Variants in SZT2 observed in about 807,000 individuals in gnomAD.
SZT2 encodes the protein SZT2 subunit of KICSTOR complex.
A neutral mutation model predicts 404.2 loss-of-function variants in SZT2; 216 were observed. The ratio of observed to expected loss-of-function variants is 0.53; its 90% CI spans 0.48 to 0.60. The LOEUF (loss-of-function observed/expected upper bound fraction) is 0.60. Ranked by LOEUF, SZT2 falls within the 20% of genes least tolerant of loss-of-function variation. The pLI is 0.00. For missense variants in SZT2, 3,857 were observed against 4,459.2 expected (o/e 0.86, Z 3.85); for synonymous variants, 1,693 against 1,749.9 (o/e 0.97, Z 0.81).
At position 43,439,193 on chromosome 1, in the gene SZT2, C is replaced by T; in HGVS notation, c.6792+100C>T. On this transcript the variant is annotated intron_variant, in intron 48 of 71. Coordinates refer to ENST00000634258, the MANE Select transcript of SZT2 (RefSeq NM_001365999.1). This position sits in a 1 kb window ranked among gnomAD's most constrained non-coding sequence, Gnocchi z 4.2. ...CGATACCCCTATATGTACCTTTGCC[C>T]ATGGACCTGGGTACACCCATGCCCC... 1 of 1,573,534 alleles carries T rather than the reference C, an allele frequency of 6.4e-7. No homozygotes were observed. The highest frequency in any genetic ancestry group is 1.1e-5 in the South Asian group (1 of 87,082).
chr1:43,450,832 C>T lies in SZT2; in HGVS notation c.*352C>T. On this transcript the variant is annotated 3_prime_UTR_variant, in exon 72 of 72. Coordinates refer to ENST00000634258, the MANE Select transcript of SZT2 (RefSeq NM_001365999.1). This position sits in a 1 kb window ranked among gnomAD's most constrained non-coding sequence, Gnocchi z 4.3. ...TAGAGCTCCTCTGCCTGAATCCTGCCCCCTAGCCTTTGACCACTGTCAGCC... is the reference window on the plus strand; with the variant it reads ...TAGAGCTCCTCTGCCTGAATCCTGCTCCCTAGCCTTTGACCACTGTCAGCC... 1.4e-6 allele frequency: 1 copy of T among 710,524 alleles called. No homozygotes were observed. Among genetic ancestry groups the T allele is most frequent in the African/African-American group, 1.7e-5 (1 of 58,152 alleles). 44.0% of individuals were successfully genotyped at this position (710,524 alleles called of 1,614,324 possible). A position where few individuals can be genotyped will look rare whatever the true frequency, so the allele number is the denominator to read the frequency against.
At chr1:43,398,477 AG>A (rs990324671) in intron 1 of SZT2, among the ~76,000 whole-genome samples, 39 of 152,334 alleles carry the variant, frequency 2.6e-4, no homozygotes, top group African/African-American at 9.4e-4. Flanking sequence ...TTAAAACTCC[AG>A]TAAGTCTCTT....
At chr1:43,391,113 G>T (rs887055323) in intron 1 of SZT2, among the ~76,000 whole-genome samples, 3 of 152,166 alleles carry the variant, frequency 2.0e-5, no homozygotes, top group African/African-American at 4.8e-5. Context: ...TGAGGAGTTC[G>T]AGACCAGCCT....
Position 43,419,854 on chromosome 1 carries a change from G to A in SZT2, c.1000G>A (p.Gly334Ser), listed in dbSNP as rs918688605. ...GTCCACTTGTCCTGAGCCGGAGCCA[G>A]GCAACCTGGGTCTGACTGTCTACCA... ...YLSTCPEPEPGNLGLTVYHRA... is the reference protein window; with the variant it reads ...YLSTCPEPEPSNLGLTVYHRA... The change falls in exon 8 of 72, where the codon GGC (glycine) becomes AGC (serine). Residue 334 changes from glycine to serine, a missense_variant. Coordinates refer to ENST00000634258, the MANE Select transcript of SZT2 (RefSeq NM_001365999.1). 6.3e-7 allele frequency: 1 copy of A among 1,598,350 alleles called. No homozygotes were observed. Among genetic ancestry groups the A allele is most frequent in the Non-Finnish European group, 8.5e-7 (1 of 1,179,818 alleles).
rs758457444 is a variant in SZT2, at chr1:43,431,444, C to G, written c.5025-16C>G. The G allele has an allele frequency of 5.0e-6, 8 of 1,614,156 alleles. No homozygotes were observed. The highest frequency in any genetic ancestry group is 6.8e-6 in the Non-Finnish European group (8 of 1,180,014). On this transcript the variant is annotated splice_polypyrimidine_tract_variant and intron_variant, in intron 34 of 71. Coordinates refer to ENST00000634258, the MANE Select transcript of SZT2 (RefSeq NM_001365999.1). Reference sequence around the variant, plus strand: ...CATTTTCTGGAAACCAATATCTAAACCTTTCTTCCAATTAGGCACCCAGGA... The same window carrying G: ...CATTTTCTGGAAACCAATATCTAAAGCTTTCTTCCAATTAGGCACCCAGGA...
chr1:43,435,415 A>G, intron 42 of SZT2, 86 bp downstream of exon 42: 1 of 1,474,330 alleles, frequency 6.8e-7, no homozygotes, highest in Non-Finnish European at 9.2e-7. Context: ...CTGAGGGCAG[A>G]GTCCTCATTA....
chr1:43,413,641 G>A (rs1305224446), intron 4 of SZT2, among the ~76,000 whole-genome samples: 1 of 152,224 alleles, frequency 6.6e-6, no homozygotes, highest in East Asian at 1.9e-4. Flanking sequence ...ATGAGATCCT[G>A]TCATTTGCAA....
rs1219122438 is a variant in SZT2, at chr1:43,448,467, G to A, written c.9952G>A (p.Asp3318Asn). ...LEAVHAKSIGDIDPQLDCFLS... is the reference protein window; with the variant it reads ...LEAVHAKSIGNIDPQLDCFLS... ...AGCAGTCCATGCCAAATCCATTGGG[G>A]ACATCGACCCCCAGCTGGTAAGGAA... Residue 3318 changes from aspartate (D) to asparagine (N), a missense_variant, in exon 69 of 72, where the codon GAC becomes AAC. By Grantham distance (23) the Asp-to-Asn change is conservative. This residue lies in a region of SZT2 where 717 missense variants were observed against 868.2 expected (regional missense o/e 0.83). Coordinates refer to ENST00000634258, the MANE Select transcript of SZT2 (RefSeq NM_001365999.1). The surrounding 1 kb of genome is among the most constrained non-coding windows in gnomAD (Gnocchi z 4.2). 1 of 1,609,652 alleles carries A rather than the reference G, an allele frequency of 6.2e-7. No homozygotes were observed. Among genetic ancestry groups the A allele is most frequent in the Non-Finnish European group, 8.5e-7 (1 of 1,178,096 alleles).
At chr1:43,421,042 T>C in intron 10 of SZT2, 59 bp downstream of exon 10, 1 of 1,594,386 alleles carries the variant, frequency 6.3e-7, no homozygotes, top group Non-Finnish European at 8.5e-7. Flanking sequence ...GGGACAGATT[T>C]GCAAAGGCGG....
Position 43,448,024 on chromosome 1 carries a change from GC to G in SZT2, c.9564-52del. ...CCCATTTCCCAGCCTGCCCCACCCT[GC>G]CCTGTGTGTCTCTTGCTACAACCAC... On this transcript the variant is annotated intron_variant, in intron 68 of 71. Transcript: ENST00000634258. The surrounding 1 kb of genome is among the most constrained non-coding windows in gnomAD (Gnocchi z 4.2). 1 of 1,611,026 alleles carries G rather than the reference GC, an allele frequency of 6.2e-7. No individual in the cohort carries two copies.
In SZT2 at chr1:43,393,536, G is replaced by T. The variant is rs1483074544; in HGVS notation, c.27+3541G>T. ...GAGAGATAAGGCTGGAGAAGATGCA[G>T]CTTGAGGCCATGCTAGAGGCTCAGG... On this transcript the variant is annotated intron_variant, in intron 1 of 71. Transcript: ENST00000634258. Among the ~76,000 whole-genome samples, 4 of 152,198 alleles carry T rather than the reference G, an allele frequency of 2.6e-5. No individual in the cohort carries two copies. The East Asian group carries it at 7.7e-4, about 29-fold the overall frequency.
Position 43,419,964 on chromosome 1 carries a change from G to C in SZT2, c.1090+20G>C. ...ACTGCGGTGAGAGGCACACTGAGGT[G>C]GGTGTGGGAAGGAGGGAATATAGAA... is the stretch of plus-strand genomic sequence containing the variant. On this transcript the variant is annotated intron_variant, in intron 8 of 71. Transcript: ENST00000634258. 1 of 1,597,790 alleles carries C rather than the reference G, an allele frequency of 6.3e-7. No individual in the cohort carries two copies. Among genetic ancestry groups the C allele is most frequent in the Non-Finnish European group, 8.5e-7 (1 of 1,179,258 alleles).
At position 43,420,797 on chromosome 1, in the gene SZT2, T is replaced by C; in HGVS notation, c.1310T>C (p.Met437Thr). The C allele has an allele frequency of 6.3e-7, 1 of 1,598,396 alleles. No homozygotes were observed. Among genetic ancestry groups the C allele is most frequent in the Non-Finnish European group, 8.5e-7 (1 of 1,179,814 alleles). ...VKLVLLWKHN[M>T]RIEYVAMAPW... Reference sequence around the variant, plus strand: ...CTGGTGCTGCTGTGGAAACACAACATGCGCATTGAGTATGTGGCTATGGCA... The same window carrying C: ...CTGGTGCTGCTGTGGAAACACAACACGCGCATTGAGTATGTGGCTATGGCA... The change falls in exon 10 of 72, where the codon ATG (methionine) becomes ACG (threonine). Residue 437 changes from methionine (M) to threonine (T), a missense_variant. By Grantham distance (81) the Met-to-Thr change is moderately conservative. Transcript: ENST00000634258. The surrounding 1 kb of genome is among the most constrained non-coding windows in gnomAD (Gnocchi z 5.1).
At chr1:43,395,425 A>G (rs1648880470) in intron 1 of SZT2, among the ~76,000 whole-genome samples, 1 of 152,122 alleles carries the variant, frequency 6.6e-6, no homozygotes, top group Non-Finnish European at 1.5e-5. Context: ...TAGTCTCCTG[A>G]GTAGCTGGGA....
intron 4 of SZT2, chr1:43,405,778 T>C (rs1650233164): frequency 3.9e-5 from 6 of 152,276 alleles, no homozygotes; most frequent in Admixed American, 3.9e-4. Flanking sequence ...CAGGCACTGA[T>C]AGCCAAGGCA....
chr1:43,408,926 A>G (rs1650675966), intron 4 of SZT2, among the ~76,000 whole-genome samples: 1 of 152,042 alleles, frequency 6.6e-6, no homozygotes, highest in African/African-American at 2.4e-5. Flanking sequence ...GGTCCGAGAG[A>G]AGTGGGCATG....
rs374650983 is a variant in SZT2 at position 43,432,465 on chromosome 1, G to A, written c.5442+26G>A. 1.5e-4 allele frequency: 229 copies of A among 1,564,900 alleles called. 1 individual carries two copies. The African/African-American group carries it at 2.9e-3, about 19-fold the overall frequency. The stretch of plus-strand genomic sequence containing the variant: ...GTGAGTCTCACCTGGGAATGGAGGG[G>A]GGTGGTGGGTGTGTGGGGCCTATAC... On this transcript the variant is annotated intron_variant, in intron 37 of 71. Transcript: ENST00000634258.
chr1:43,438,193 G>A (rs1214548350), intron 46 of SZT2: 1 of 415,014 alleles, frequency 2.4e-6, no homozygotes, highest in Non-Finnish European at 4.5e-6. Context: ...CCATGTTCAG[G>A]GTTAGGACTG....
At position 43,449,969 on chromosome 1, in the gene SZT2, C is replaced by T. The variant is rs558636661; in HGVS notation, c.10087-134C>T. 92 of 1,025,488 alleles carry T rather than the reference C, an allele frequency of 9.0e-5. 1 individual carries two copies. The highest frequency in any genetic ancestry group is 6.1e-4 in the Middle Eastern group (3 of 4,954). The allele number at this position is 1,025,488 out of a possible 1,614,324, so 63.5% of individuals were successfully genotyped here. ...CTGAGGCTCAATTTGGAGACACGGT[C>T]CTATGTGACCTCAGGGTGCAGGCGG... On this transcript the variant is annotated intron_variant, in intron 70 of 71. Coordinates refer to ENST00000634258, the MANE Select transcript of SZT2 (RefSeq NM_001365999.1).
Sources: allele counts gnomAD v4.1 joint callset (sites outside exome capture counted in the v4.1 genomes callset), GRCh38; gene constraint gnomAD v4.1.1; regional missense constraint gnomAD v4.1.1; non-coding constraint Gnocchi (gnomAD v3.1); transcripts MANE v1.5; gene names NCBI Gene and HGNC (gene_info 2026-07-23, HGNC 2026-07-21).